Variants in UNC5D observed in about 807,000 individuals in gnomAD.
The protein encoded by UNC5D is unc-5 netrin receptor D, also known as netrin receptor UNC5D.
In UNC5D, 39 loss-of-function variants were observed where a neutral mutation model predicts 105.4. The observed-to-expected ratio is 0.37, with a 90% CI of 0.29 to 0.48. UNC5D has a LOEUF of 0.48. Among genes scored for constraint, UNC5D ranks in the 20% least tolerant of loss-of-function variants. The probability of loss-of-function intolerance (pLI) is 0.98; values close to 1 mark genes in which losing one functional copy is unlikely to be tolerated. For synonymous variants in UNC5D, 452 were observed against 450.4 expected (o/e 1.00, Z -0.04); for missense variants, 991 against 1,202.4 (o/e 0.82, Z 2.60).
intron 1 of UNC5D, among the ~76,000 whole-genome samples, chr8:35,448,023 A>T (rs1310484682): frequency 6.6e-6 from 1 of 152,048 alleles, no homozygotes; most frequent in Non-Finnish European, 1.5e-5. Context: ...AAAACCTCCC[A>T]TCCTACCACC....
intron 1 of UNC5D, among the ~76,000 whole-genome samples, chr8:35,280,565 A>AT (rs1442157953): frequency 6.6e-6 from 1 of 152,194 alleles, no homozygotes; most frequent in Non-Finnish European, 1.5e-5. Flanking sequence ...GTCGTTAATA[A>AT]TGAAAGGGAA....
chr8:35,265,127 C>G (rs1431254707), intron 1 of UNC5D, among the ~76,000 whole-genome samples: 1 of 152,138 alleles, frequency 6.6e-6, no homozygotes, highest in Non-Finnish European at 1.5e-5. Flanking sequence ...AGAAGTTAGA[C>G]AAATCACTTT....
rs777684205 is a variant in UNC5D, at chr8:35,595,573, A to G, written c.486A>G (p.Glu162=). ...VRIAYLRKNF[E]QDPQGREVPI... ...TTGCAGATTTACGGAAAAACTTTGA[A>G]CAAGACCCACAAGGAAGGGAAGTTC... Residue 162 remains glutamate, a synonymous_variant, in exon 4 of 17, where the codon GAA becomes GAG. Coordinates refer to ENST00000404895, the MANE Select transcript of UNC5D (RefSeq NM_080872.4). The G allele has an allele frequency of 1.2e-6, 2 of 1,613,980 alleles. No homozygotes were observed. Among genetic ancestry groups the G allele is most frequent in the East Asian group, 2.2e-5 (1 of 44,874 alleles).
At chr8:35,388,472 A>G (rs1472316165) in intron 1 of UNC5D, among the ~76,000 whole-genome samples, 2 of 152,184 alleles carry the variant, frequency 1.3e-5, no homozygotes, top group Non-Finnish European at 2.9e-5. Context: ...CATGTTCAAC[A>G]TGTAGTTATC....
At chr8:35,277,551 G>A (rs1410732715) in intron 1 of UNC5D, among the ~76,000 whole-genome samples, 1 of 151,988 alleles carries the variant, frequency 6.6e-6, no homozygotes, top group African/African-American at 2.4e-5. Flanking sequence ...CTGAGTCTTG[G>A]GTGACTTTTC....
chr8:35,544,595 GTTTTTTTTTTTTTTTTTT>G, intron 1 of UNC5D: 1 of 571,590 alleles, frequency 1.7e-6, no homozygotes, highest in Non-Finnish European at 2.4e-6. Flanking sequence ...TTTCGTTTTC[GTTTTTTTTTTTTTTTTTT>G]TTTTTTTGAG....
rs1384586609 is a variant in UNC5D, at chr8:35,793,646, A to T, written c.*3083A>T. The T allele has an allele frequency of 2.6e-5, 4 of 152,818 alleles. No individual in the cohort carries two copies. The highest frequency in any genetic ancestry group is 4.4e-5 in the Non-Finnish European group (3 of 68,220). 9.5% of individuals were successfully genotyped at this position (152,818 alleles called of 1,614,324 possible). On this transcript the variant is annotated 3_prime_UTR_variant, in exon 17 of 17. Coordinates refer to ENST00000404895, the MANE Select transcript of UNC5D (RefSeq NM_080872.4). Reference sequence around the variant, plus strand: ...CACCAGACTGTAGCATCATAAAGTTAATTTACAGTTTTTACAACATTGCTT... The same window carrying T: ...CACCAGACTGTAGCATCATAAAGTTTATTTACAGTTTTTACAACATTGCTT...
intron 1 of UNC5D, among the ~76,000 whole-genome samples, chr8:35,510,466 C>T (rs1234499890): frequency 6.6e-6 from 1 of 152,120 alleles, no homozygotes; most frequent in Non-Finnish European, 1.5e-5. Context: ...CATGTGTTTG[C>T]ACCTGTGATC....
At chr8:35,452,029 C>T (rs1808185544) in intron 1 of UNC5D, among the ~76,000 whole-genome samples, 1 of 152,140 alleles carries the variant, frequency 6.6e-6, no homozygotes, top group Non-Finnish European at 1.5e-5. Context: ...GTATGTGTTA[C>T]TTCTTCCTAT....
chr8:35,412,283 G>C (rs866137592), intron 1 of UNC5D, among the ~76,000 whole-genome samples: 2 of 151,964 alleles, frequency 1.3e-5, no homozygotes, highest in African/African-American at 4.8e-5. Flanking sequence ...GACAGTAATG[G>C]GGAGAAAATG....
intron 3 of UNC5D, among the ~76,000 whole-genome samples, chr8:35,572,291 A>AC (rs1817787405): frequency 6.6e-6 from 1 of 150,618 alleles, no homozygotes; most frequent in Admixed American, 6.6e-5. Context: ...AAAAAAAAAA[A>AC]AAAAAAAAAC....
chr8:35,414,690 C>T (rs192036759), intron 1 of UNC5D, among the ~76,000 whole-genome samples: 262 of 151,352 alleles, frequency 1.7e-3, no homozygotes, highest in Non-Finnish European at 3.1e-3. Context: ...GTCACATTTA[C>T]CACAGGCTGT....
intron 1 of UNC5D, among the ~76,000 whole-genome samples, chr8:35,507,408 G>A (rs1369825424): frequency 6.6e-6 from 1 of 150,970 alleles, no homozygotes; most frequent in African/African-American, 2.4e-5. Flanking sequence ...CTGAAATACT[G>A]TGGTTATTGG....
chr8:35,664,186 C>T (rs1395397540), intron 4 of UNC5D, among the ~76,000 whole-genome samples: 3 of 152,086 alleles, frequency 2.0e-5, no homozygotes. Context: ...ATAGTTTTAC[C>T]TATAAAATTA....
chr8:35,665,736 A>C (rs1404242229), intron 4 of UNC5D, among the ~76,000 whole-genome samples: 8 of 151,558 alleles, frequency 5.3e-5, no homozygotes, highest in Non-Finnish European at 1.2e-4. Flanking sequence ...AGTATTACAC[A>C]GAAGTAACTC....
intron 1 of UNC5D, among the ~76,000 whole-genome samples, chr8:35,284,641 G>A (rs979841132): frequency 3.9e-5 from 6 of 152,038 alleles, no homozygotes; most frequent in Non-Finnish European, 8.8e-5. Flanking sequence ...TATAAGCTCC[G>A]CCTCCCAGGT....
intron 1 of UNC5D, among the ~76,000 whole-genome samples, chr8:35,386,663 A>T (rs1240854479): frequency 6.6e-6 from 1 of 152,222 alleles, no homozygotes; most frequent in East Asian, 1.9e-4. Flanking sequence ...TTTGAGCAGT[A>T]AAGAAAATAT....
intron 1 of UNC5D, among the ~76,000 whole-genome samples, chr8:35,446,432 T>A (rs2128987654): frequency 6.6e-6 from 1 of 152,170 alleles, no homozygotes; most frequent in Middle Eastern, 3.4e-3. Flanking sequence ...GTTTAATTCT[T>A]TAACCTCCAT....
intron 1 of UNC5D, among the ~76,000 whole-genome samples, chr8:35,520,043 C>A (rs927863815): frequency 6.6e-6 from 1 of 151,748 alleles, no homozygotes; most frequent in Non-Finnish European, 1.5e-5. Context: ...GCCATATGAC[C>A]CCCCCAATTT....
Sources: allele counts gnomAD v4.1 joint callset (sites outside exome capture counted in the v4.1 genomes callset), GRCh38; gene constraint gnomAD v4.1.1; transcripts MANE v1.5; gene names NCBI Gene and HGNC (gene_info 2026-07-23, HGNC 2026-07-21).